The following CSMD2 variants were observed in gnomAD, a reference collection of about 807,000 sequenced individuals.
CSMD2 encodes the protein CUB and Sushi multiple domains 2, also known as CUB and sushi domain-containing protein 2.
A neutral mutation model predicts 398.5 loss-of-function variants in CSMD2; 130 were observed. The observed-to-expected ratio is 0.33, with a 90% CI of 0.28 to 0.38. The LOEUF is 0.38. Ranked by LOEUF, CSMD2 falls within the 10% of genes least tolerant of loss-of-function variation. The pLI is 1.00. For missense variants in CSMD2, 3,829 were observed against 4,764.9 expected (o/e 0.80, Z 5.78); for synonymous variants, 1,828 against 1,908.5 (o/e 0.96, Z 1.10).
chr1:33,890,232 C>CT (rs11417145), intron 5 of CSMD2, among the ~76,000 whole-genome samples: 88,105 of 130,346 alleles, frequency 0.68, 30,096 homozygotes, highest in South Asian at 0.79. Flanking sequence ...CTTTTTCTTT[C>CT]TTTTTTTTTT....
chr1:33,959,529 T>G (rs568711655), intron 3 of CSMD2, among the ~76,000 whole-genome samples: 1 of 152,244 alleles, frequency 6.6e-6, no homozygotes, highest in South Asian at 2.1e-4. Flanking sequence ...GCCCGGGACA[T>G]ATCCAGGTTT....
chr1:33,876,469 T>A (rs1023444740), intron 5 of CSMD2, among the ~76,000 whole-genome samples: 7 of 152,228 alleles, frequency 4.6e-5, no homozygotes, highest in Non-Finnish European at 2.9e-5. Flanking sequence ...AGACATGGCA[T>A]AAAGAACTTA....
chr1:33,798,273 C>G (rs1045490475), intron 10 of CSMD2, among the ~76,000 whole-genome samples: 3 of 152,196 alleles, frequency 2.0e-5, no homozygotes, highest in Non-Finnish European at 4.4e-5. Context: ...CCAATTTAAA[C>G]CCATTAGATA....
intron 1 of CSMD2, among the ~76,000 whole-genome samples, chr1:34,162,692 C>G (rs1185519257): frequency 1.3e-5 from 2 of 152,060 alleles, no homozygotes; most frequent in African/African-American, 4.8e-5. Context: ...AACCCCATCT[C>G]TCCTAAAAAT....
intron 3 of CSMD2, among the ~76,000 whole-genome samples, chr1:33,973,261 A>C (rs1006097978): frequency 1.3e-5 from 2 of 152,194 alleles, no homozygotes; most frequent in African/African-American, 4.8e-5. Flanking sequence ...AAGAACACTC[A>C]ATGCCAGTAA....
rs151014127 is a variant in CSMD2 at position 34,124,115 on chromosome 1, A to G, written c.188-34922T>C. 1.8e-3 allele frequency among the ~76,000 whole-genome samples: 274 copies of G among 152,354 alleles called. 1 individual carries two copies. The highest frequency in any genetic ancestry group is 6.2e-3 in the African/African-American group (258 of 41,586). ...TGGTCCTGGGATTCAAATCCAAAAC[A>G]GAAATTCCATGCTTAGGCCAAGGAA... On this transcript the variant is annotated intron_variant, in intron 1 of 70. Transcript: ENST00000373381.
chr1:33,596,906 C>G (rs569828201), intron 44 of CSMD2, among the ~76,000 whole-genome samples: 1 of 152,168 alleles, frequency 6.6e-6, no homozygotes, highest in Non-Finnish European at 1.5e-5. Context: ...ATTTAGCTTT[C>G]GTTTTATTTA....
chr1:33,946,995 G>A (rs142019151), intron 3 of CSMD2, among the ~76,000 whole-genome samples: 1 of 152,102 alleles, frequency 6.6e-6, no homozygotes, highest in Non-Finnish European at 1.5e-5. Flanking sequence ...TGACCCTCAG[G>A]CTTTGGGAGG....
intron 55 of CSMD2, among the ~76,000 whole-genome samples, chr1:33,554,185 C>CTTTTTTTTTTTTTTTTTTTT (rs397860875): frequency 1.3e-5 from 1 of 74,384 alleles, no homozygotes; most frequent in African/African-American, 5.4e-5. Context: ...AAAAAACAGC[C>CTTTTTTTTTTTTTTTTTTTT]TTTTTTTTTT....
chr1:33,985,261 G>A (rs1405684298), intron 3 of CSMD2, among the ~76,000 whole-genome samples: 1 of 152,162 alleles, frequency 6.6e-6, no homozygotes, highest in African/African-American at 2.4e-5. Flanking sequence ...CCCCTCCCTG[G>A]GAAGTAGTCA....
intron 29 of CSMD2, among the ~76,000 whole-genome samples, chr1:33,638,868 C>T (rs1459424569): frequency 6.6e-6 from 1 of 152,220 alleles, no homozygotes; most frequent in Non-Finnish European, 1.5e-5. Flanking sequence ...GCAGTTAATA[C>T]TCTCTCATCG....
In CSMD2 at chr1:33,663,939, G is replaced by A. The variant is rs537666420; in HGVS notation, c.4053-847C>T. ...TATTGCTAACATCTTACATTTCCAC[G>A]GTGCATTTGTCACGACTAAGAAAGC... On this transcript the variant is annotated intron_variant, in intron 25 of 70. Transcript: ENST00000373381. Among the ~76,000 whole-genome samples the A allele has an allele frequency of 6.6e-5, 10 of 152,128 alleles. No individual in the cohort carries two copies. The South Asian group carries it at 2.1e-3, about 32-fold the overall frequency.
At chr1:34,115,160 G>GA (rs1193220287) in intron 1 of CSMD2, among the ~76,000 whole-genome samples, 5 of 151,638 alleles carry the variant, frequency 3.3e-5, no homozygotes, top group East Asian at 3.9e-4. Flanking sequence ...GGAGAAAAGA[G>GA]AAAAAAAGGA....
At chr1:34,037,155 C>T (rs937114614) in intron 2 of CSMD2, among the ~76,000 whole-genome samples, 1 of 152,172 alleles carries the variant, frequency 6.6e-6, no homozygotes, top group African/African-American at 2.4e-5. Context: ...ATCTATGGCT[C>T]ATATTATATT....
chr1:33,583,835 G>A lies in CSMD2; in HGVS notation c.7052-5C>T. On this transcript the variant is annotated splice_region_variant and splice_polypyrimidine_tract_variant and intron_variant, in intron 46 of 70. Coordinates refer to ENST00000373381, the MANE Select transcript of CSMD2 (RefSeq NM_001281956.2). The stretch of plus-strand genomic sequence containing the variant: ...GCTCATTTGTTGGACAGTGCACTTG[G>A]AGAAAGAAAGAGAAACACCAAGTAC... 6.2e-7 allele frequency: 1 copy of A among 1,610,736 alleles called. No homozygotes were observed. The highest frequency in any genetic ancestry group is 8.5e-7 in the Non-Finnish European group (1 of 1,178,066).
At chr1:33,889,065 C>A (rs779583894) in intron 5 of CSMD2, among the ~76,000 whole-genome samples, 2 of 152,106 alleles carry the variant, frequency 1.3e-5, no homozygotes, top group Non-Finnish European at 2.9e-5. Context: ...CCACTGCGCC[C>A]GGCCAAGATC....
At chr1:34,025,342 G>GGA (rs958856963) in intron 3 of CSMD2, among the ~76,000 whole-genome samples, 1 of 152,188 alleles carries the variant, frequency 6.6e-6, no homozygotes, top group Non-Finnish European at 1.5e-5. Flanking sequence ...GATAGACTAG[G>GGA]GAGAGAGCAC....
In CSMD2 at chr1:33,951,456, G is replaced by C. The variant is rs547250169; in HGVS notation, c.518-15502C>G. 3.4e-4 allele frequency among the ~76,000 whole-genome samples: 52 copies of C among 152,330 alleles called. No individual in the cohort carries two copies. The South Asian group carries it at 4.4e-3, about 13-fold the overall frequency. On this transcript the variant is annotated intron_variant, in intron 3 of 70. Coordinates refer to ENST00000373381, the MANE Select transcript of CSMD2 (RefSeq NM_001281956.2). Reference sequence around the variant, plus strand: ...GCCCATCCCGGGCTGCAACCCCTAAGAAGAGGTGAGGCCAAATGACCTTTA... The same window carrying C: ...GCCCATCCCGGGCTGCAACCCCTAACAAGAGGTGAGGCCAAATGACCTTTA...
chr1:34,164,679 T>A lies in CSMD2; in HGVS notation c.187+232A>T, dbSNP rs555739367. On this transcript the variant is annotated intron_variant, in intron 1 of 70. Transcript: ENST00000373381. The surrounding 1 kb of genome is among the most constrained non-coding windows in gnomAD (Gnocchi z 6.2). ...CCACACCGGCCGCATCCGTCCAAGTTGCGGCTGGGGTTGGGGCAGCAGTGA... is the reference window on the plus strand; with the variant it reads ...CCACACCGGCCGCATCCGTCCAAGTAGCGGCTGGGGTTGGGGCAGCAGTGA... 6.6e-6 allele frequency among the ~76,000 whole-genome samples: 1 copy of A among 151,558 alleles called. No homozygotes were observed. The highest frequency in any genetic ancestry group is 1.5e-5 in the Non-Finnish European group (1 of 67,886).
Sources: gnomAD v4.1 joint callset for allele counts (sites outside exome capture counted in the v4.1 genomes callset) on GRCh38, gnomAD v4.1.1 for gene constraint, Gnocchi (gnomAD v3.1) non-coding constraint, MANE v1.5 for transcripts, NCBI Gene and HGNC (gene_info 2026-07-23, HGNC 2026-07-21) for gene names.